TMEM272: variants seen among roughly 807,000 people sequenced by gnomAD.
The protein encoded by TMEM272 is long intergenic non-protein coding RNA 282.
In TMEM272, 8 loss-of-function variants were observed where a neutral mutation model predicts 3.7. That is an observed-to-expected ratio of 2.17 (90% CI 1.27 to 3.91). The LOEUF is 3.91. Among genes scored for constraint, TMEM272 ranks in the 30% most tolerant of loss-of-function variants. TMEM272 has a pLI of 0.00. For missense variants in TMEM272, 166 were observed against 91.5 expected (o/e 1.81, Z -3.32); for synonymous variants, 63 against 39.8 (o/e 1.58, Z -2.20).
rs971285010 is a variant in TMEM272 at position 51,814,741 on chromosome 13, C to T, written c.*2010G>A. ...GAGCACACTTCATCCACCACTCCCT[C>T]TGGGAAAGATTTCTGCAACACTCTG... On this transcript the variant is annotated 3_prime_UTR_variant, in exon 5 of 5. Transcript: ENST00000629372. The T allele has an allele frequency of 6.6e-6, 1 of 152,262 alleles. No homozygotes were observed. Among genetic ancestry groups the T allele is most frequent in the African/African-American group, 2.4e-5 (1 of 41,436 alleles). 9.4% of individuals were successfully genotyped at this position (152,262 alleles called of 1,614,324 possible).
chr13:51,824,576 AAT>A (rs1438255426), intron 3 of TMEM272, among the ~76,000 whole-genome samples: 3 of 152,220 alleles, frequency 2.0e-5, no homozygotes, highest in Non-Finnish European at 4.4e-5. Flanking sequence ...ATTTTAATAT[AAT>A]ATCCATGGGA....
chr13:51,877,242 T>C, the TMEM272 span, among the ~76,000 whole-genome samples: 3 of 152,214 alleles, frequency 2.0e-5, no homozygotes, highest in Admixed American at 6.5e-5. Context: ...TGTGATAACA[T>C]AGGTAAAATG....
chr13:51,873,850 G>A, the TMEM272 span, among the ~76,000 whole-genome samples: 2 of 152,216 alleles, frequency 1.3e-5, no homozygotes, highest in Non-Finnish European at 2.9e-5. Context: ...GGTGAAGAGA[G>A]CAGAGACTAT....
chr13:51,839,250 C>G (rs1262622907), intron 1 of TMEM272, among the ~76,000 whole-genome samples: 1 of 152,162 alleles, frequency 6.6e-6, no homozygotes. Flanking sequence ...TTGGAAGAAA[C>G]AGCCATATAC....
At chr13:51,924,362 C>T in the TMEM272 span, among the ~76,000 whole-genome samples, 1 of 152,204 alleles carries the variant, frequency 6.6e-6, no homozygotes, top group South Asian at 2.1e-4. Flanking sequence ...CCAGACCAGC[C>T]TGGGCAACAC....
At chr13:51,910,553 C>T in the TMEM272 span, 4 of 696,956 alleles carry the variant, frequency 5.7e-6, no homozygotes, top group East Asian at 5.6e-5. Context: ...GCAGTGCTGC[C>T]ATAACCCTGG....
the TMEM272 span, among the ~76,000 whole-genome samples, chr13:51,919,804 G>A: frequency 2.0e-5 from 3 of 152,172 alleles, no homozygotes; most frequent in Admixed American, 6.5e-5. Flanking sequence ...ACCTGCCACC[G>A]TCCCTGTGAC....
chr13:51,860,763 ACACT>A, the TMEM272 span, among the ~76,000 whole-genome samples: 9 of 149,014 alleles, frequency 6.0e-5, no homozygotes, highest in African/African-American at 2.2e-4. Flanking sequence ...ACACACACAC[ACACT>A]TTGTATACAT....
the TMEM272 span, among the ~76,000 whole-genome samples, chr13:51,913,342 G>T: frequency 6.6e-6 from 1 of 152,218 alleles, no homozygotes; most frequent in East Asian, 1.9e-4. Context: ...AATTTACCAG[G>T]AAGGTTTTTA....
chr13:51,849,908 G>A (rs572272115), upstream of TMEM272, among the ~76,000 whole-genome samples: 148 of 152,296 alleles, frequency 9.7e-4, no homozygotes, highest in African/African-American at 3.5e-3. Flanking sequence ...CTCTCAGTGG[G>A]ACCTGGGCTG....
the TMEM272 span, among the ~76,000 whole-genome samples, chr13:51,866,960 C>A: frequency 6.6e-6 from 1 of 152,152 alleles, no homozygotes; most frequent in Non-Finnish European, 1.5e-5. Flanking sequence ...AATGAATGTA[C>A]ATGAATGTGG....
At chr13:51,865,703 G>C in the TMEM272 span, 3 of 1,614,068 alleles carry the variant, frequency 1.9e-6, no homozygotes, top group African/African-American at 4.0e-5. Flanking sequence ...ATCCTTCTGG[G>C]AAATGGAAAA....
chr13:51,883,776 T>C, the TMEM272 span, among the ~76,000 whole-genome samples: 1 of 152,240 alleles, frequency 6.6e-6, no homozygotes, highest in Non-Finnish European at 1.5e-5. Flanking sequence ...TTGCTACTGG[T>C]TGAAAACACA....
At chr13:51,894,768 T>C in the TMEM272 span, among the ~76,000 whole-genome samples, 1 of 152,164 alleles carries the variant, frequency 6.6e-6, no homozygotes, top group Admixed American at 6.5e-5. Context: ...GGTTTCAGGA[T>C]GATTCAAGTG....
chr13:51,861,494 C>T, the TMEM272 span, among the ~76,000 whole-genome samples: 1 of 151,990 alleles, frequency 6.6e-6, no homozygotes, highest in Non-Finnish European at 1.5e-5. Context: ...CATATTTGAA[C>T]TGACAGAAGA....
chr13:51,882,276 C>T, the TMEM272 span, among the ~76,000 whole-genome samples: 2 of 152,186 alleles, frequency 1.3e-5, no homozygotes, highest in African/African-American at 2.4e-5. Context: ...TGCTTAATGA[C>T]ATTTTGGAAT....
chr13:51,912,882 T>C, the TMEM272 span, among the ~76,000 whole-genome samples: 3 of 152,198 alleles, frequency 2.0e-5, no homozygotes, highest in African/African-American at 7.2e-5. Flanking sequence ...TCTGAAAAGT[T>C]AGACGGATGG....
chr13:51,883,047 A>G, the TMEM272 span, among the ~76,000 whole-genome samples: 1 of 152,226 alleles, frequency 6.6e-6, no homozygotes, highest in Non-Finnish European at 1.5e-5. Flanking sequence ...CACTGTCTAG[A>G]CGAACACAGT....
At chr13:51,844,348 T>C (rs1023787469) in intron 1 of TMEM272, among the ~76,000 whole-genome samples, 5 of 139,834 alleles carry the variant, frequency 3.6e-5, no homozygotes, top group African/African-American at 1.1e-4. Flanking sequence ...TTGAATAACA[T>C]TGAATATTAG....
Sources: gnomAD v4.1 joint callset for allele counts (sites outside exome capture counted in the v4.1 genomes callset) on GRCh38, gnomAD v4.1.1 for gene constraint, MANE v1.5 for transcripts, NCBI Gene and HGNC (gene_info 2026-07-23, HGNC 2026-07-21) for gene names.